Variants in ZC3H14 observed in about 807,000 individuals in gnomAD.
ZC3H14 encodes the protein zinc finger CCCH domain-containing protein 14.
A neutral mutation model predicts 92.4 loss-of-function variants in ZC3H14; 31 were observed. The ratio of observed to expected loss-of-function variants is 0.34; its 90% CI spans 0.25 to 0.45. The LOEUF is 0.45. Ranked by LOEUF, ZC3H14 falls within the 20% of genes least tolerant of loss-of-function variation. The pLI is 1.00. For synonymous variants in ZC3H14, 321 were observed against 300.9 expected, an observed-to-expected ratio of 1.07 and a Z score of -0.69; for missense variants, 781 against 897.3, an observed-to-expected ratio of 0.87 and a Z score of 1.66.
Position 88,621,074 on chromosome 14 carries a change from G to C in ZC3H14, c.*9323G>C. 1 of 1,567,924 alleles carries C rather than the reference G, an allele frequency of 6.4e-7. No individual in the cohort carries two copies. Among genetic ancestry groups the C allele is most frequent in the Non-Finnish European group, 8.6e-7 (1 of 1,158,992 alleles). ...TTAGAACTTCCAACTTTTCTTTTTA[G>C]AAGTTGTAACCTCTTTTAAAAAAAT... On this transcript the variant is annotated 3_prime_UTR_variant, in exon 17 of 17. Coordinates refer to ENST00000251038, the MANE Select transcript of ZC3H14 (RefSeq NM_024824.5).
At chr14:88,577,858 T>C (rs2081361670) in intron 8 of ZC3H14, 127 bp from the exon 9 acceptor site, 1 of 1,262,440 alleles carries the variant, frequency 7.9e-7, no homozygotes, top group Non-Finnish European at 1.1e-6. Context: ...CATGAGCCAC[T>C]GCGCCCAGCC....
intron 9 of ZC3H14, chr14:88,591,152 G>T (rs1023385935): frequency 1.3e-5 from 2 of 152,058 alleles, no homozygotes; most frequent in African/African-American, 4.8e-5. Context: ...CATAAGAATA[G>T]AAATCTGCCG....
intron 9 of ZC3H14, among the ~76,000 whole-genome samples, chr14:88,595,907 C>A (rs2083753498): frequency 6.6e-6 from 1 of 152,120 alleles, no homozygotes; most frequent in Non-Finnish European, 1.5e-5. Context: ...AGTGCAGTAC[C>A]TTATAATGAG....
At chr14:88,582,516 A>G (rs1407106124) in intron 9 of ZC3H14, among the ~76,000 whole-genome samples, 1 of 152,248 alleles carries the variant, frequency 6.6e-6, no homozygotes, top group East Asian at 1.9e-4. Context: ...AAGAACCTCT[A>G]GGCGTTAATA....
rs1445820845 is a variant in ZC3H14 at position 88,619,440 on chromosome 14, A to G, written c.*7689A>G. On this transcript the variant is annotated 3_prime_UTR_variant, in exon 17 of 17. Transcript: ENST00000251038. ...CTATGGTCCCAAACTCCTGGCCTCA[A>G]GCAATCCTTCCCCCTTGGCCTCCCA... is the stretch of plus-strand genomic sequence containing the variant. The G allele has an allele frequency of 6.6e-6, 1 of 152,304 alleles. No homozygotes were observed. The highest frequency in any genetic ancestry group is 1.9e-4 in the East Asian group (1 of 5,190). The allele number at this position is 152,304 out of a possible 1,614,324, so 9.4% of individuals were successfully genotyped here.
chr14:88,607,476 G>T, intron 13 of ZC3H14, 113 bp downstream of exon 13: 5 of 1,006,988 alleles, frequency 5.0e-6, no homozygotes, highest in Middle Eastern at 3.5e-4. Flanking sequence ...CACCCAGCAA[G>T]TACCATCCCC....
chr14:88,593,918 G>T (rs2083466957), intron 9 of ZC3H14, among the ~76,000 whole-genome samples: 1 of 151,492 alleles, frequency 6.6e-6, no homozygotes. Context: ...ACAACAAAAT[G>T]GGAGAGAATA....
chr14:88,567,328 G>C (rs888958438), intron 2 of ZC3H14, among the ~76,000 whole-genome samples: 1 of 151,492 alleles, frequency 6.6e-6, no homozygotes, highest in Admixed American at 6.6e-5. Context: ...TGTTAGCCAG[G>C]ATGGTCTCAA....
intron 9 of ZC3H14, 98 bp from the exon 10 acceptor site, chr14:88,596,636 A>G (rs1425110046): frequency 7.1e-6 from 7 of 981,480 alleles, no homozygotes; most frequent in Non-Finnish European, 1.1e-5. Flanking sequence ...TACTTTTAAG[A>G]CTTCAAGTTA....
At chr14:88,571,301 A>T (rs538902020) in intron 4 of ZC3H14, among the ~76,000 whole-genome samples, 177 bp downstream of exon 4, 1 of 152,272 alleles carries the variant, frequency 6.6e-6, no homozygotes, top group East Asian at 1.9e-4. Context: ...TAATTCAAAG[A>T]TAATTTAAGT....
chr14:88,577,861 G>A (rs1272327583), intron 8 of ZC3H14, 124 bp from the exon 9 acceptor site: 17 of 1,278,574 alleles, frequency 1.3e-5, no homozygotes, highest in Admixed American at 8.9e-5. Context: ...GAGCCACTGC[G>A]CCCAGCCTGA....
chr14:88,579,822 A>G (rs1056750508), intron 9 of ZC3H14, among the ~76,000 whole-genome samples: 2 of 152,250 alleles, frequency 1.3e-5, no homozygotes, highest in Non-Finnish European at 2.9e-5. Flanking sequence ...CAATGAAAGC[A>G]TGCTGAAAGG....
chr14:88,611,951 T>C lies in ZC3H14; in HGVS notation c.*200T>C, dbSNP rs571986769. 2.3e-4 allele frequency: 162 copies of C among 702,016 alleles called. No homozygotes were observed. The African/African-American group carries it at 2.6e-3, about 11-fold the overall frequency. 43.5% of individuals were successfully genotyped at this position (702,016 alleles called of 1,614,324 possible). ...ATGTGGTTTTAACATTGGGTGTTTT[T>C]GTTTTGTTTTTACTATGAAAAGACA... On this transcript the variant is annotated 3_prime_UTR_variant, in exon 17 of 17. Transcript: ENST00000251038.
At chr14:88,565,980 G>GCCT (rs1208802561) in intron 2 of ZC3H14, among the ~76,000 whole-genome samples, 1 of 123,418 alleles carries the variant, frequency 8.1e-6, no homozygotes, top group Non-Finnish European at 1.6e-5. Flanking sequence ...CAATTCTCCT[G>GCCT]CCTCAGCTTC....
chr14:88,576,007 G>A, intron 8 of ZC3H14, 67 bp downstream of exon 8: 4 of 1,341,970 alleles, frequency 3.0e-6, no homozygotes, highest in Middle Eastern at 2.4e-4. Context: ...AGGTGAAAAT[G>A]ATTGCTCCTT....
intron 4 of ZC3H14, among the ~76,000 whole-genome samples, chr14:88,571,787 A>G (rs1013427949): frequency 6.6e-6 from 1 of 152,110 alleles, no homozygotes; most frequent in Admixed American, 6.5e-5. Flanking sequence ...AACATGGTGA[A>G]TCTCCGTCTC....
Position 88,618,189 on chromosome 14 carries a change from C to CA in ZC3H14, c.*6441dup, listed in dbSNP as rs756881175. ...GAAATAGGATTTTCTAACTGGCCTT[C>CA]AAAGTCAGTTCTTGCCTTGTGAATA... On this transcript the variant is annotated 3_prime_UTR_variant, in exon 17 of 17. Coordinates refer to ENST00000251038, the MANE Select transcript of ZC3H14 (RefSeq NM_024824.5). 1.3e-6 allele frequency: 2 copies of CA among 1,571,794 alleles called. No homozygotes were observed. The highest frequency in any genetic ancestry group is 3.4e-5 in the Admixed American group (2 of 59,608).
intron 12 of ZC3H14, 119 bp from the exon 13 acceptor site, chr14:88,607,124 T>G (rs896774243): frequency 9.4e-6 from 14 of 1,489,034 alleles, no homozygotes; most frequent in African/African-American, 1.4e-5. Flanking sequence ...TCACTTATTT[T>G]ATATGACTGT....
At chr14:88,563,923 G>A (rs1321795658) in intron 2 of ZC3H14, among the ~76,000 whole-genome samples, 1 of 151,952 alleles carries the variant, frequency 6.6e-6, no homozygotes. Flanking sequence ...CCTCCGTTAA[G>A]GCTCTGTTTG....
Sources: gnomAD v4.1 joint callset for allele counts (sites outside exome capture counted in the v4.1 genomes callset) on GRCh38, gnomAD v4.1.1 for gene constraint, MANE v1.5 for transcripts, NCBI Gene and HGNC (gene_info 2026-07-23, HGNC 2026-07-21) for gene names.